WNK2: variants seen among roughly 807,000 people sequenced by gnomAD.
The protein encoded by WNK2 is WNK lysine deficient protein kinase 2, also known as serine/threonine-protein kinase WNK2.
A neutral mutation model predicts 192.1 loss-of-function variants in WNK2; 67 were observed. That is an observed-to-expected ratio of 0.35 (90% confidence interval 0.29 to 0.43). The LOEUF is 0.43. Ranked by LOEUF, WNK2 falls within the 20% of genes least tolerant of loss-of-function variation. The probability of loss-of-function intolerance (pLI) is 1.00; values close to 1 mark genes in which losing one functional copy is unlikely to be tolerated. For missense variants in WNK2, 2,698 were observed against 3,089.7 expected, an observed-to-expected ratio of 0.87 and a Z score of 3.01; for synonymous variants, 1,439 against 1,393.9, an observed-to-expected ratio of 1.03 and a Z score of -0.72.
intron 2 of WNK2, among the ~76,000 whole-genome samples, chr9:93,199,411 G>T (rs1281655926): frequency 1.3e-5 from 2 of 152,198 alleles, no homozygotes; most frequent in Non-Finnish European, 2.9e-5. Context: ...TGGGCTTGGC[G>T]TCAGGTGGTG....
intron 2 of WNK2, among the ~76,000 whole-genome samples, chr9:93,205,231 T>C (rs941992503): frequency 3.3e-5 from 5 of 152,194 alleles, no homozygotes; most frequent in Admixed American, 1.3e-4. Context: ...GACTGTGCAC[T>C]TTGGTAGCAC....
chr9:93,318,763 C>T (rs1286978142), intron 29 of WNK2: 18 of 1,414,904 alleles, frequency 1.3e-5, no homozygotes, highest in African/African-American at 5.8e-5. Flanking sequence ...CTGCGGAGGG[C>T]GGGGTCATTC....
intron 19 of WNK2, 38 bp from the exon 20 acceptor site, chr9:93,288,750 G>A: frequency 1.3e-6 from 2 of 1,559,542 alleles, no homozygotes; most frequent in Non-Finnish European, 8.7e-7. Flanking sequence ...TAGGACTGGA[G>A]TACCCTGGTA....
chr9:93,264,411 A>AG (rs1844839933), intron 16 of WNK2, among the ~76,000 whole-genome samples: 1 of 152,120 alleles, frequency 6.6e-6, no homozygotes, highest in African/African-American at 2.4e-5. Context: ...CAGCCTCCCC[A>AG]GCTGGAGTGC....
chr9:93,307,001 C>T (rs527240893), intron 27 of WNK2, 180 bp downstream of exon 27: 120 of 717,012 alleles, frequency 1.7e-4, no homozygotes, highest in African/African-American at 1.6e-3. Flanking sequence ...TCGCTGTCCT[C>T]GGCTCCCCCG....
chr9:93,240,393 G>A (rs1213018395), intron 7 of WNK2, among the ~76,000 whole-genome samples: 1 of 152,162 alleles, frequency 6.6e-6, no homozygotes, highest in East Asian at 1.9e-4. Context: ...TGGGAGCACT[G>A]TTACATTGGG....
Position 93,259,427 on chromosome 9 carries a change from C to T in WNK2, c.2879C>T (p.Pro960Leu). The T allele has an allele frequency of 6.5e-7, 1 of 1,545,322 alleles. No individual in the cohort carries two copies. Residue 960 changes from proline (P) to leucine (L), a missense_variant, in exon 12 of 30, where the codon CCC becomes CTC. Physicochemically the swap from Pro to Leu is moderately conservative, Grantham distance 98. Transcript: ENST00000427277. The surrounding 1 kb of genome is among the most constrained non-coding windows in gnomAD (Gnocchi z 4.8). ...LPPQPVLPPQ[P>L]TLPPQPVLPP... ...CCACAACCCGTGCTGCCCCCGCAAC[C>T]CACGCTGCCCCCTCAACCTGTGTTG...
intron 9 of WNK2, among the ~76,000 whole-genome samples, chr9:93,255,197 C>T (rs1442592517): frequency 6.6e-6 from 1 of 152,194 alleles, no homozygotes; most frequent in Non-Finnish European, 1.5e-5. Context: ...AGGGCTCTCC[C>T]TACCCCTCCG....
chr9:93,309,624 T>C (rs936586944), intron 28 of WNK2, among the ~76,000 whole-genome samples: 2 of 152,228 alleles, frequency 1.3e-5, no homozygotes, highest in Non-Finnish European at 2.9e-5. Flanking sequence ...CCTTCGCTCT[T>C]TCTCTCTCTT....
intron 4 of WNK2, among the ~76,000 whole-genome samples, chr9:93,233,229 G>A (rs1403893572): frequency 6.7e-6 from 1 of 149,848 alleles, no homozygotes; most frequent in Non-Finnish European, 1.5e-5. Context: ...TGCTAGTGCA[G>A]CAAATTTTCA....
chr9:93,281,626 A>C (rs138648723), intron 19 of WNK2, among the ~76,000 whole-genome samples: 3 of 152,312 alleles, frequency 2.0e-5, no homozygotes, highest in African/African-American at 7.2e-5. Context: ...AAGTTTGAAG[A>C]GATAATGCAG....
At chr9:93,204,600 G>T (rs528888186) in intron 2 of WNK2, among the ~76,000 whole-genome samples, 252 of 152,358 alleles carry the variant, frequency 1.7e-3, no homozygotes, top group Admixed American at 6.1e-3. Flanking sequence ...GAGGGGCAGG[G>T]GTGGGGAAGG....
chr9:93,317,385 G>C (rs1490524828), intron 28 of WNK2, 135 bp from the exon 29 acceptor site: 4 of 759,708 alleles, frequency 5.3e-6, no homozygotes, highest in South Asian at 5.1e-5. Context: ...AGCCCTGAGA[G>C]GGTGCCTGTC....
Position 93,253,047 on chromosome 9 carries a change from C to G in WNK2, c.1999C>G (p.Pro667Ala), listed in dbSNP as rs865994207. Reference sequence around the variant, plus strand: ...GGGGCCCGTCCTGCCGCAGAGCCTGCCCTCGCTGGGGGCCTACCAGCAGCC... The same window carrying G: ...GGGGCCCGTCCTGCCGCAGAGCCTGGCCTCGCTGGGGGCCTACCAGCAGCC... ...SEGPVLPQSL[P>A]SLGAYQQPTA... Residue 667 changes from proline (P) to alanine (A), a missense_variant, in exon 9 of 30, where the codon CCC becomes GCC. This residue lies in a region of WNK2 where 893 missense variants were observed against 909.0 expected (regional missense o/e 0.98). Coordinates refer to ENST00000427277, the MANE Select transcript of WNK2 (RefSeq NM_006648.4). 2.4e-5 allele frequency: 36 copies of G among 1,522,208 alleles called. No individual in the cohort carries two copies. The highest frequency in any genetic ancestry group is 3.1e-5 in the Non-Finnish European group (35 of 1,135,244). The allele number at this position is 1,522,208 out of a possible 1,614,324, so 94.3% of individuals were successfully genotyped here.
intron 28 of WNK2, among the ~76,000 whole-genome samples, chr9:93,315,179 G>T (rs562378481): frequency 3.9e-5 from 6 of 152,150 alleles, no homozygotes; most frequent in Non-Finnish European, 8.8e-5. Flanking sequence ...CATCCCACTT[G>T]TTCAAAGTTA....
chr9:93,217,806 A>G (rs1424229550), intron 2 of WNK2, among the ~76,000 whole-genome samples: 1 of 152,220 alleles, frequency 6.6e-6, no homozygotes. Flanking sequence ...CCGGCCTTGA[A>G]TCCTAGTAGC....
Position 93,184,296 on chromosome 9 carries a change from G to A in WNK2, c.-92G>A, listed in dbSNP as rs1828851646. On this transcript the variant is annotated 5_prime_UTR_variant, in exon 1 of 30. Coordinates refer to ENST00000427277, the MANE Select transcript of WNK2 (RefSeq NM_006648.4). ...CCCACCCCAGCGCGGACCTCGCCCG[G>A]AACTCGGACCCCGTCCTCGAAGCGT... Among the ~76,000 whole-genome samples the A allele has an allele frequency of 1.3e-5, 2 of 151,058 alleles. No homozygotes were observed. Among genetic ancestry groups the A allele is most frequent in the Admixed American group, 1.3e-4 (2 of 15,190 alleles).
At chr9:93,300,284 T>C (rs914409731) in intron 26 of WNK2, 135 bp downstream of exon 26, 1 of 699,788 alleles carries the variant, frequency 1.4e-6, no homozygotes, top group Admixed American at 2.7e-5. Flanking sequence ...CTATTTAATA[T>C]CAAAGTGGAA....
intron 20 of WNK2, 102 bp downstream of exon 20, chr9:93,289,722 C>G (rs1220023371): frequency 8.3e-7 from 1 of 1,207,278 alleles, no homozygotes; most frequent in African/African-American, 1.5e-5. Flanking sequence ...CAGAGCCGCC[C>G]TCACTCAGGG....
Sources: gnomAD v4.1 joint callset for allele counts (sites outside exome capture counted in the v4.1 genomes callset) on GRCh38, gnomAD v4.1.1 for gene constraint, gnomAD v4.1.1 regional missense constraint, Gnocchi (gnomAD v3.1) non-coding constraint, MANE v1.5 for transcripts, NCBI Gene and HGNC (gene_info 2026-07-23, HGNC 2026-07-21) for gene names.